Variants in RPS6KC1 observed in about 807,000 individuals in gnomAD.
The protein encoded by RPS6KC1 is ribosomal protein S6 kinase C1.
A neutral mutation model predicts 103.8 loss-of-function variants in RPS6KC1; 54 were observed. That is an observed-to-expected ratio of 0.52 (90% CI 0.42 to 0.65). RPS6KC1 has a LOEUF of 0.65. Ranked by LOEUF, RPS6KC1 falls within the 30% of genes least tolerant of loss-of-function variation. RPS6KC1 has a pLI of 0.00. For synonymous variants in RPS6KC1, 439 were observed against 438.7 expected, an observed-to-expected ratio of 1.00 and a Z score of -0.01; for missense variants, 1,151 against 1,253.8, an observed-to-expected ratio of 0.92 and a Z score of 1.24.
the RPS6KC1 span, among the ~76,000 whole-genome samples, chr1:213,328,463 T>A: frequency 6.8e-6 from 1 of 148,078 alleles, no homozygotes; most frequent in Admixed American, 6.8e-5. Flanking sequence ...GAATTCATCG[T>A]CTGTGTTCAA....
the RPS6KC1 span, among the ~76,000 whole-genome samples, chr1:213,774,210 A>G: frequency 1.3e-5 from 2 of 152,208 alleles, no homozygotes; most frequent in Non-Finnish European, 2.9e-5. Flanking sequence ...AACCATAATT[A>G]ATATAACCTC....
chr1:213,479,737 T>G, the RPS6KC1 span, among the ~76,000 whole-genome samples: 30 of 152,114 alleles, frequency 2.0e-4, no homozygotes, highest in Admixed American at 7.2e-4. Context: ...GTTCTTTTAT[T>G]TTTTCTTCTA....
intron 8 of RPS6KC1, among the ~76,000 whole-genome samples, chr1:213,213,123 T>C (rs573595538): frequency 1.3e-5 from 2 of 152,356 alleles, no homozygotes; most frequent in South Asian, 2.1e-4. Flanking sequence ...GCCTTTGATA[T>C]TATCTCAGAA....
At chr1:213,400,671 T>G in the RPS6KC1 span, among the ~76,000 whole-genome samples, 1 of 152,122 alleles carries the variant, frequency 6.6e-6, no homozygotes, top group South Asian at 2.1e-4. Flanking sequence ...ATATTTACAT[T>G]GTTGGAAACA....
intron 6 of RPS6KC1, among the ~76,000 whole-genome samples, chr1:213,167,076 C>T (rs1236304736): frequency 6.6e-6 from 1 of 152,152 alleles, no homozygotes; most frequent in African/African-American, 2.4e-5. Flanking sequence ...CAATTCCTCC[C>T]TTCTTCAACT....
chr1:213,091,028 G>A (rs755509391), intron 3 of RPS6KC1, among the ~76,000 whole-genome samples: 1 of 151,960 alleles, frequency 6.6e-6, no homozygotes, highest in Non-Finnish European at 1.5e-5. Context: ...TAAAATTCAG[G>A]GTCACAAAGA....
chr1:213,605,642 G>A, the RPS6KC1 span, among the ~76,000 whole-genome samples: 1 of 152,288 alleles, frequency 6.6e-6, no homozygotes, highest in East Asian at 1.9e-4. Flanking sequence ...GACCATGTCT[G>A]TCTTGTTCTT....
At chr1:213,449,313 C>T in the RPS6KC1 span, among the ~76,000 whole-genome samples, 507 of 152,296 alleles carry the variant, frequency 3.3e-3, 6 homozygotes, top group African/African-American at 0.011. Flanking sequence ...GCTGCCACAG[C>T]GAAAGACCAC....
At chr1:213,779,637 G>A in the RPS6KC1 span, among the ~76,000 whole-genome samples, 34 of 152,282 alleles carry the variant, frequency 2.2e-4, no homozygotes, top group Non-Finnish European at 4.0e-4. Context: ...CTAGGAAGCC[G>A]GGAGGAAGTC....
At chr1:213,253,547 T>G (rs1329750083) in intron 12 of RPS6KC1, among the ~76,000 whole-genome samples, 2 of 152,236 alleles carry the variant, frequency 1.3e-5, no homozygotes, top group African/African-American at 4.8e-5. Flanking sequence ...TTTCTAGTTT[T>G]CTCAATTTTC....
chr1:213,153,837 C>T (rs983623517), intron 6 of RPS6KC1, among the ~76,000 whole-genome samples: 4 of 152,148 alleles, frequency 2.6e-5, no homozygotes, highest in Non-Finnish European at 4.4e-5. Context: ...GATACTTTTG[C>T]TGGCTATACT....
the RPS6KC1 span, among the ~76,000 whole-genome samples, chr1:213,650,840 C>A: frequency 6.6e-6 from 1 of 150,630 alleles, no homozygotes; most frequent in Non-Finnish European, 1.5e-5. Context: ...GGAAGCCAAA[C>A]TCAAACACAG....
At chr1:213,095,031 C>T (rs1314223719) in intron 3 of RPS6KC1, among the ~76,000 whole-genome samples, 1 of 152,184 alleles carries the variant, frequency 6.6e-6, no homozygotes, top group Admixed American at 6.5e-5. Context: ...CACTTCCTGA[C>T]AGCATCCAAT....
rs953614156 is a variant in RPS6KC1, at chr1:213,116,912, A to C, written c.379-405A>C. On this transcript the variant is annotated intron_variant, in intron 4 of 14. Transcript: ENST00000366960. ...CTCTTCTGGCTTGTAGAGTTTCTGC[A>C]GAGAGATCTGCTGTTAGTCTGATGG... Among the ~76,000 whole-genome samples, 18 of 152,258 alleles carry C rather than the reference A, an allele frequency of 1.2e-4. 1 individual carries two copies. Among genetic ancestry groups the C allele is most frequent in the Middle Eastern group, 3.4e-3 (1 of 294 alleles).
chr1:213,128,522 C>T (rs963493488), intron 5 of RPS6KC1, among the ~76,000 whole-genome samples: 46 of 152,234 alleles, frequency 3.0e-4, no homozygotes, highest in African/African-American at 1.1e-3. Context: ...TATTGTGGAT[C>T]GTGCTCATTT....
At chr1:213,183,386 A>ACT (rs2092378256) in intron 8 of RPS6KC1, among the ~76,000 whole-genome samples, 2 of 152,190 alleles carry the variant, frequency 1.3e-5, no homozygotes, top group African/African-American at 4.8e-5. Context: ...CCCATGGAAC[A>ACT]GACCATTTCT....
the RPS6KC1 span, among the ~76,000 whole-genome samples, chr1:213,824,129 T>C: frequency 6.6e-6 from 1 of 152,194 alleles, no homozygotes; most frequent in Admixed American, 6.5e-5. Flanking sequence ...AAGGGCCTCC[T>C]ATGTTACAGG....
the RPS6KC1 span, among the ~76,000 whole-genome samples, chr1:213,619,393 A>AC: frequency 6.6e-6 from 1 of 152,246 alleles, no homozygotes; most frequent in East Asian, 1.9e-4. Context: ...CTGGCTGCTT[A>AC]TAAAAAATAA....
chr1:213,423,772 G>T, the RPS6KC1 span, among the ~76,000 whole-genome samples: 2 of 151,724 alleles, frequency 1.3e-5, no homozygotes, highest in Non-Finnish European at 2.9e-5. Flanking sequence ...GCGGCAGGGG[G>T]CTGGTGGGGA....
Sources: allele counts gnomAD v4.1 joint callset (sites outside exome capture counted in the v4.1 genomes callset), GRCh38; gene constraint gnomAD v4.1.1; transcripts MANE v1.5; gene names NCBI Gene and HGNC (gene_info 2026-07-23, HGNC 2026-07-21).